Variants in CYBRD1 observed in about 807,000 individuals in gnomAD.
CYBRD1 encodes the protein cytochrome b reductase 1.
Under a neutral mutation model 21.9 loss-of-function variants are expected in CYBRD1, and 14 were observed. That is an observed-to-expected ratio of 0.64 (90% CI 0.42 to 1.00). The LOEUF (loss-of-function observed/expected upper bound fraction) is 1.00, where lower values mean the gene tolerates loss of function less well. Ranked by LOEUF, CYBRD1 falls within the 50% of genes least tolerant of loss-of-function variation. CYBRD1 has a pLI of 0.00. For synonymous variants in CYBRD1, 146 were observed against 136.5 expected, an observed-to-expected ratio of 1.07 and a Z score of -0.48; for missense variants, 328 against 352.5, an observed-to-expected ratio of 0.93 and a Z score of 0.56.
chr2:171,522,432 G>A (rs1421692822), upstream of CYBRD1: 21 of 1,520,286 alleles, frequency 1.4e-5, no homozygotes, highest in Non-Finnish European at 1.8e-5. The surrounding 1 kb of genome is among the most constrained non-coding windows in gnomAD (Gnocchi z 4.3). Flanking sequence ...CCCCGCAGGC[G>A]GAGACAGCCC....
intron 1 of CYBRD1, among the ~76,000 whole-genome samples, chr2:171,527,382 G>A (rs954303602): frequency 1.3e-5 from 2 of 152,222 alleles, no homozygotes; most frequent in Non-Finnish European, 2.9e-5. Context: ...GCACATGGTA[G>A]ACGAGTAAGT....
chr2:171,552,374 A>T (rs1039533612), intron 2 of CYBRD1, among the ~76,000 whole-genome samples: 5 of 152,166 alleles, frequency 3.3e-5, no homozygotes, highest in African/African-American at 1.2e-4. Context: ...GGTATTACAC[A>T]TGAGCTGATT....
At chr2:171,527,454 A>T (rs1466345413) in intron 1 of CYBRD1, among the ~76,000 whole-genome samples, 1 of 152,236 alleles carries the variant, frequency 6.6e-6, no homozygotes, top group African/African-American at 2.4e-5. Context: ...AACAAAATGC[A>T]GTTTACAGCC....
chr2:171,523,054 C>T, intron 1 of CYBRD1: 1 of 398,928 alleles, frequency 2.5e-6, no homozygotes. Context: ...CTGGCTAGGA[C>T]GCACTGGAGG....
At chr2:171,530,184 G>A (rs1697443063) in intron 1 of CYBRD1, among the ~76,000 whole-genome samples, 1 of 152,174 alleles carries the variant, frequency 6.6e-6, no homozygotes, top group Non-Finnish European at 1.5e-5. Context: ...GGACCATCCT[G>A]CTATTATAAC....
chr2:171,554,406 G>A, intron 3 of CYBRD1, 118 bp from the exon 4 acceptor site: 2 of 928,472 alleles, frequency 2.2e-6, no homozygotes, highest in Non-Finnish European at 3.3e-6. Flanking sequence ...TTAATAGCAA[G>A]CTTTGAGAGT....
chr2:171,529,001 A>G (rs1697424572), intron 1 of CYBRD1, among the ~76,000 whole-genome samples: 1 of 152,170 alleles, frequency 6.6e-6, no homozygotes, highest in Non-Finnish European at 1.5e-5. Flanking sequence ...CTCCTACTAG[A>G]ATATAAACTC....
intron 1 of CYBRD1, among the ~76,000 whole-genome samples, chr2:171,532,896 T>C (rs1697490053): frequency 6.6e-6 from 1 of 151,780 alleles, no homozygotes; most frequent in African/African-American, 2.4e-5. Flanking sequence ...TGTGTGTGTG[T>C]GTGTGTGTGT....
chr2:171,540,395 G>T (rs1417742904), intron 1 of CYBRD1, among the ~76,000 whole-genome samples: 1 of 152,082 alleles, frequency 6.6e-6, no homozygotes, highest in Non-Finnish European at 1.5e-5. Context: ...ATTGATGATG[G>T]GCATTTGGGG....
rs374121523 is a variant in CYBRD1 at position 171,541,626 on chromosome 2, A to G, written c.235A>G (p.Lys79Glu). 2.5e-6 allele frequency: 4 copies of G among 1,613,844 alleles called. No individual in the cohort carries two copies. Among genetic ancestry groups the G allele is most frequent in the Non-Finnish European group, 3.4e-6 (4 of 1,179,952 alleles). The change falls in exon 2 of 4, where the codon AAG becomes GAG. Residue 79 changes from lysine (K) to glutamate (E), a missense_variant. Lys to Glu is a moderately conservative substitution (Grantham distance 56). Transcript: ENST00000321348. Reference protein sequence around the residue: ...YRLPWTWKCSKLLMKSIHAGL... With the variant: ...YRLPWTWKCSELLMKSIHAGL... ...ACTGCCGTGGACCTGGAAATGCAGC[A>G]AGCTCCTGATGAAATCCATCCATGC...
chr2:171,524,660 G>A (rs1264711240), intron 1 of CYBRD1, among the ~76,000 whole-genome samples: 10 of 152,210 alleles, frequency 6.6e-5, no homozygotes, highest in Non-Finnish European at 2.9e-5. Context: ...CATGAAAGTT[G>A]TTTTAAGTCT....
chr2:171,529,226 A>G (rs1395378323), intron 1 of CYBRD1, among the ~76,000 whole-genome samples: 1 of 152,212 alleles, frequency 6.6e-6, no homozygotes, highest in Admixed American at 6.5e-5. Context: ...GGATTCAACT[A>G]AACATTCAGA....
Position 171,522,948 on chromosome 2 carries a change from A to C in CYBRD1, c.193+210A>C, listed in dbSNP as rs1337021705. ...CGGGACAGAGCTGCGGTTCAGGAGG[A>C]TCGCCGCGAGCGCGGGGCCGGGGGT... On this transcript the variant is annotated intron_variant, in intron 1 of 3. Coordinates refer to ENST00000321348, the MANE Select transcript of CYBRD1 (RefSeq NM_024843.4). The surrounding 1 kb of genome is among the most constrained non-coding windows in gnomAD (Gnocchi z 4.3). 3 of 714,672 alleles carry C rather than the reference A, an allele frequency of 4.2e-6. No individual in the cohort carries two copies. The highest frequency in any genetic ancestry group is 6.4e-6 in the Non-Finnish European group (3 of 467,266). 44.3% of individuals were successfully genotyped at this position (714,672 alleles called of 1,614,324 possible).
intron 1 of CYBRD1, among the ~76,000 whole-genome samples, chr2:171,523,943 A>G (rs1489883556): frequency 6.6e-6 from 1 of 152,214 alleles, no homozygotes; most frequent in East Asian, 1.9e-4. Context: ...CACTGGCCGA[A>G]ATCTCTAGCT....
intron 1 of CYBRD1, among the ~76,000 whole-genome samples, chr2:171,535,701 C>A (rs1395462679): frequency 6.6e-6 from 1 of 151,494 alleles, no homozygotes; most frequent in Non-Finnish European, 1.5e-5. Context: ...TGCAGTGGCT[C>A]GATCTCAGCT....
At chr2:171,541,498 G>T in intron 1 of CYBRD1, 87 bp from the exon 2 acceptor site, 1 of 1,317,450 alleles carries the variant, frequency 7.6e-7, no homozygotes. Context: ...GTTTCAAAAA[G>T]GGAGTGTCCA....
In CYBRD1 at chr2:171,554,989, A is replaced by G; in HGVS notation, c.*162A>G. ...TAATTTGTATTGATTGAGGCCTATG[A>G]ACTGACCTGAATTGGAAAGGATGTG... On this transcript the variant is annotated 3_prime_UTR_variant, in exon 4 of 4. Transcript: ENST00000321348. 1 of 735,002 alleles carries G rather than the reference A, an allele frequency of 1.4e-6. No homozygotes were observed. The highest frequency in any genetic ancestry group is 2.3e-6 in the Non-Finnish European group (1 of 444,416). The allele number at this position is 735,002 out of a possible 1,614,324, so 45.5% of individuals were successfully genotyped here.
intron 1 of CYBRD1, among the ~76,000 whole-genome samples, chr2:171,531,154 C>CAAAAAAA (rs5836342): frequency 8.7e-6 from 1 of 114,686 alleles, no homozygotes; most frequent in Non-Finnish European, 1.7e-5. Flanking sequence ...GACCCTGTCT[C>CAAAAAAA]AAAAAAAAAA....
At chr2:171,525,189 C>T (rs1036631977) in intron 1 of CYBRD1, among the ~76,000 whole-genome samples, 3 of 152,174 alleles carry the variant, frequency 2.0e-5, no homozygotes, top group African/African-American at 4.8e-5. Context: ...CCGCCTACCT[C>T]GGCCCCCCAG....
Sources: gnomAD v4.1 joint callset for allele counts (sites outside exome capture counted in the v4.1 genomes callset) on GRCh38, gnomAD v4.1.1 for gene constraint, Gnocchi (gnomAD v3.1) non-coding constraint, MANE v1.5 for transcripts, NCBI Gene and HGNC (gene_info 2026-07-23, HGNC 2026-07-21) for gene names.